NAV3: variants seen among roughly 807,000 people sequenced by gnomAD.
The protein encoded by NAV3 is pore membrane and/or filament interacting like protein 1.
A neutral mutation model predicts 244.7 loss-of-function variants in NAV3; 87 were observed. The ratio of observed to expected loss-of-function variants is 0.36; its 90% CI spans 0.30 to 0.42. The LOEUF is 0.42. Ranked by LOEUF, NAV3 falls within the 20% of genes least tolerant of loss-of-function variation. NAV3 has a pLI of 1.00. For synonymous variants in NAV3, 1,126 were observed against 1,042.2 expected (o/e 1.08, Z -1.55); for missense variants, 2,663 against 2,893.3 (o/e 0.92, Z 1.83).
At chr12:77,824,230 C>T (rs1167126294) in intron 2 of NAV3, among the ~76,000 whole-genome samples, 2 of 149,578 alleles carry the variant, frequency 1.3e-5, no homozygotes, top group African/African-American at 4.9e-5. Flanking sequence ...CATGCCACCA[C>T]GCCCAACTAA....
intron 1 of NAV3, among the ~76,000 whole-genome samples, chr12:77,910,110 A>G (rs142280433): frequency 7.1e-4 from 108 of 152,182 alleles, no homozygotes; most frequent in African/African-American, 2.4e-3. Context: ...TATGTCTATT[A>G]TTTCATTTTA....
intron 5 of NAV3, among the ~76,000 whole-genome samples, chr12:77,984,958 T>C (rs945779594): frequency 7.9e-5 from 12 of 152,034 alleles, no homozygotes; most frequent in Non-Finnish European, 1.3e-4. Context: ...CTGGGATTAC[T>C]GGCACATGCC....
intron 12 of NAV3, among the ~76,000 whole-genome samples, chr12:78,060,178 C>T (rs988617133): frequency 1.3e-5 from 2 of 152,072 alleles, no homozygotes; most frequent in African/African-American, 4.8e-5. Context: ...ATTATTATAT[C>T]TAAATACCTA....
chr12:77,601,410 A>T (rs939262822), intron 2 of NAV3, among the ~76,000 whole-genome samples: 6 of 152,042 alleles, frequency 3.9e-5, no homozygotes, highest in African/African-American at 1.4e-4. Flanking sequence ...GGAAGGTTAT[A>T]ACCATTTTTT....
At chr12:78,079,216 T>C (rs1197038302) in intron 12 of NAV3, among the ~76,000 whole-genome samples, 1 of 152,320 alleles carries the variant, frequency 6.6e-6, no homozygotes, top group Non-Finnish European at 1.5e-5. Flanking sequence ...AGCACAAGAA[T>C]TCTAAAGATG....
intron 2 of NAV3, among the ~76,000 whole-genome samples, chr12:77,727,658 G>A (rs906886225): frequency 1.3e-5 from 2 of 151,906 alleles, no homozygotes; most frequent in African/African-American, 4.8e-5. Context: ...ACAGGGCCCA[G>A]GTTCTAAAAA....
At chr12:77,604,794 A>G (rs1305102423) in intron 2 of NAV3, among the ~76,000 whole-genome samples, 1 of 152,078 alleles carries the variant, frequency 6.6e-6, no homozygotes, top group Non-Finnish European at 1.5e-5. Flanking sequence ...TAAAGTTCCA[A>G]TTAGGTTGGG....
At chr12:77,802,952 C>T (rs778199431) in intron 2 of NAV3, among the ~76,000 whole-genome samples, 2 of 152,298 alleles carry the variant, frequency 1.3e-5, no homozygotes, top group East Asian at 1.9e-4. Context: ...CAGGTGTGAG[C>T]CACCACACCT....
At chr12:78,096,391 CTGTT>C (rs1290284196) in intron 12 of NAV3, among the ~76,000 whole-genome samples, 1 of 152,120 alleles carries the variant, frequency 6.6e-6, no homozygotes, top group Admixed American at 6.5e-5. Flanking sequence ...TAAAAGCTCT[CTGTT>C]TGAGATGAAG....
chr12:77,574,369 C>T (rs529133556), intron 2 of NAV3, among the ~76,000 whole-genome samples: 1 of 152,170 alleles, frequency 6.6e-6, no homozygotes, highest in East Asian at 1.9e-4. Flanking sequence ...CTCAATGACA[C>T]AATGAGTCAC....
intron 2 of NAV3, among the ~76,000 whole-genome samples, chr12:77,694,858 G>C (rs192063834): frequency 8.7e-4 from 132 of 152,250 alleles, no homozygotes; most frequent in African/African-American, 2.8e-3. Flanking sequence ...GATGTTTTGA[G>C]TGTCAGATCC....
chr12:77,954,011 C>T (rs956342307), intron 3 of NAV3, among the ~76,000 whole-genome samples: 2 of 152,114 alleles, frequency 1.3e-5, no homozygotes, highest in African/African-American at 2.4e-5. Flanking sequence ...CTTCCAGAGG[C>T]TGTAGGGATA....
chr12:77,998,994 T>C (rs527381925), intron 7 of NAV3, among the ~76,000 whole-genome samples: 20 of 152,344 alleles, frequency 1.3e-4, no homozygotes, highest in Admixed American at 4.6e-4. Flanking sequence ...TGTTTTGTTT[T>C]CTTGAATTAG....
intron 2 of NAV3, among the ~76,000 whole-genome samples, chr12:77,714,329 G>A (rs1267516470): frequency 6.6e-6 from 1 of 152,090 alleles, no homozygotes; most frequent in East Asian, 1.9e-4. Context: ...AAATTCCTCA[G>A]TTCAGGCTAT....
At chr12:78,126,121 A>G (rs113805744) in intron 16 of NAV3, among the ~76,000 whole-genome samples, 10 of 152,316 alleles carry the variant, frequency 6.6e-5, no homozygotes, top group South Asian at 2.1e-4. Flanking sequence ...AGTATAAGCA[A>G]TTACCTTACA....
chr12:77,704,554 A>T (rs1371408330), intron 2 of NAV3, among the ~76,000 whole-genome samples: 1 of 152,180 alleles, frequency 6.6e-6, no homozygotes, highest in Admixed American at 6.5e-5. Context: ...AAAGCAAAAC[A>T]CATAATCTTT....
At chr12:78,154,714 C>A (rs1246883932) in intron 22 of NAV3, among the ~76,000 whole-genome samples, 1 of 151,816 alleles carries the variant, frequency 6.6e-6, no homozygotes, top group African/African-American at 2.4e-5. Context: ...TATGCAACTG[C>A]TAAAGGAAAA....
At chr12:78,135,562 C>G (rs561583644) in intron 18 of NAV3, among the ~76,000 whole-genome samples, 1 of 152,094 alleles carries the variant, frequency 6.6e-6, no homozygotes, top group Non-Finnish European at 1.5e-5. Flanking sequence ...CCTATAGATA[C>G]GTATACTAAA....
At chr12:77,656,211 C>A (rs1270135717) in intron 2 of NAV3, among the ~76,000 whole-genome samples, 1 of 142,486 alleles carries the variant, frequency 7.0e-6, no homozygotes, top group Non-Finnish European at 1.5e-5. Flanking sequence ...TTCAGGAAAC[C>A]CATCTCACGT....
Sources: allele counts gnomAD v4.1 joint callset (sites outside exome capture counted in the v4.1 genomes callset), GRCh38; gene constraint gnomAD v4.1.1; transcripts MANE v1.5; gene names NCBI Gene and HGNC (gene_info 2026-07-23, HGNC 2026-07-21).